ABCB7: variants seen among roughly 807,000 people sequenced by gnomAD.
The protein encoded by ABCB7 is iron-sulfur clusters transporter ABCB7, mitochondrial.
A neutral mutation model predicts 54.4 loss-of-function variants in ABCB7; 7 were observed. That is an observed-to-expected ratio of 0.13 (90% CI 0.07 to 0.24). The LOEUF (loss-of-function observed/expected upper bound fraction) is 0.24. Ranked by LOEUF, ABCB7 falls within the 10% of genes least tolerant of loss-of-function variation. The pLI, the probability that ABCB7 is intolerant of heterozygous loss-of-function variation, is 1.00. For missense variants in ABCB7, 356 were observed against 570.4 expected, an observed-to-expected ratio of 0.62 and a Z score of 3.83; for synonymous variants, 218 against 207.1, an observed-to-expected ratio of 1.05 and a Z score of -0.45.
intron 4 of ABCB7, among the ~76,000 whole-genome samples, chrX:75,092,014 A>G (rs1356239173): frequency 1.8e-5 from 2 of 111,323 alleles, no homozygotes; most frequent in Non-Finnish European, 3.8e-5. Context: ...TGATCTATAG[A>G]TTCAATGTGA....
chrX:75,075,690 G>T lies in ABCB7; in HGVS notation c.587-60C>A, dbSNP rs957420932. On this transcript the variant is annotated intron_variant, in intron 5 of 15. Transcript: ENST00000373394. The stretch of plus-strand genomic sequence containing the variant: ...ACAATATTAGAATCAAAGGAGTATA[G>T]AAATGACAAGGGCTCAGAAAATGTT... 3.8e-6 allele frequency: 4 copies of T among 1,057,015 alleles called. No homozygotes were observed. The African/African-American group carries it at 7.5e-5, about 20-fold the overall frequency. The allele number at this position is 1,057,015 out of a possible 1,213,427, so 87.1% of individuals were successfully genotyped here.
chrX:75,151,288 A>G (rs1017346044), intron 1 of ABCB7, among the ~76,000 whole-genome samples: 1 of 111,372 alleles, frequency 9.0e-6, no homozygotes, highest in Non-Finnish European at 1.9e-5. Context: ...TCCCAGTGCC[A>G]CTTTCCATTC....
Position 75,051,693 on chromosome X carries a change from A to T in ABCB7, c.*1677T>A. The T allele has an allele frequency of 8.9e-6, 1 of 112,608 alleles. No homozygotes were observed. Among genetic ancestry groups the T allele is most frequent in the South Asian group, 3.7e-4 (1 of 2,727 alleles). 9.3% of individuals were successfully genotyped at this position (112,608 alleles called of 1,213,427 possible). On this transcript the variant is annotated 3_prime_UTR_variant, in exon 16 of 16. Transcript: ENST00000373394. ...AAACTAATTAAATTACTGAAAAGTA[A>T]GGGAAGATCTTTTAATAAATTCTGA...
At chrX:75,136,753 G>A (rs1308160378) in intron 1 of ABCB7, among the ~76,000 whole-genome samples, 1 of 111,926 alleles carries the variant, frequency 8.9e-6, no homozygotes, top group Non-Finnish European at 1.9e-5. Flanking sequence ...GCCATCTGAT[G>A]TTCAACAAAG....
At position 75,051,048 on chromosome X, in the gene ABCB7, T is replaced by C. The variant is rs1218308399; in HGVS notation, c.*2322A>G. ...AATTTCTATTGAGACTTTAACCACA[T>C]TTCCAGTAATGCAACTGGTTTATTA... On this transcript the variant is annotated 3_prime_UTR_variant, in exon 16 of 16. Transcript: ENST00000373394. 2.4e-4 allele frequency among the ~76,000 whole-genome samples: 27 copies of C among 110,374 alleles called. No individual in the cohort carries two copies. Among genetic ancestry groups the C allele is most frequent in the African/African-American group, 8.9e-4 (27 of 30,358 alleles).
rs2081847173 is a variant in ABCB7 at position 75,118,814 on chromosome X, C to T, written c.169-3983G>A. On this transcript the variant is annotated intron_variant, in intron 1 of 15. Coordinates refer to ENST00000373394, the MANE Select transcript of ABCB7 (RefSeq NM_001271696.3). ...TAGGAAGTATGGAGATGTCCCCATCCCCCACTGAGAGATAACACTCCCATG... is the reference window on the plus strand; with the variant it reads ...TAGGAAGTATGGAGATGTCCCCATCTCCCACTGAGAGATAACACTCCCATG... 4.5e-5 allele frequency among the ~76,000 whole-genome samples: 5 copies of T among 111,569 alleles called. No homozygotes were observed. The South Asian group carries it at 1.9e-3, about 42-fold the overall frequency.
intron 1 of ABCB7, among the ~76,000 whole-genome samples, chrX:75,136,602 G>T (rs1339429667): frequency 9.0e-6 from 1 of 111,049 alleles, no homozygotes; most frequent in African/African-American, 3.3e-5. Context: ...AAAAGCTGGA[G>T]GCATGGAGGC....
chrX:75,094,732 T>C (rs762341188), intron 4 of ABCB7, among the ~76,000 whole-genome samples: 1 of 110,204 alleles, frequency 9.1e-6, no homozygotes, highest in South Asian at 3.9e-4. Context: ...AAAAACCCCA[T>C]AGAAGACCTC....
At chrX:75,090,623 A>G (rs1160682469) in intron 4 of ABCB7, among the ~76,000 whole-genome samples, 2 of 110,706 alleles carry the variant, frequency 1.8e-5, no homozygotes, top group African/African-American at 6.5e-5. Flanking sequence ...ATCCAAAGTA[A>G]GCAGAAGAAT....
At chrX:75,082,140 A>G (rs2081460717) in intron 4 of ABCB7, among the ~76,000 whole-genome samples, 1 of 111,801 alleles carries the variant, frequency 8.9e-6, no homozygotes, top group Admixed American at 9.5e-5. Flanking sequence ...AGAAATTCAC[A>G]CCAAGACACA....
At chrX:75,061,617 T>C (rs12837701) in intron 14 of ABCB7, among the ~76,000 whole-genome samples, 27 of 112,103 alleles carry the variant, frequency 2.4e-4, no homozygotes, top group Non-Finnish European at 4.7e-4. Context: ...ACTAGCTTTA[T>C]ACTATGTATT....
chrX:75,083,120 C>A (rs776577822), intron 4 of ABCB7, among the ~76,000 whole-genome samples: 41 of 111,510 alleles, frequency 3.7e-4, no homozygotes, highest in Non-Finnish European at 5.7e-4. Context: ...AAAAAAAATT[C>A]TTAAGTATAA....
intron 8 of ABCB7, 38 bp from the exon 9 acceptor site, chrX:75,071,721 T>G: frequency 1.1e-6 from 1 of 948,075 alleles, no homozygotes; most frequent in Middle Eastern, 3.4e-4. Flanking sequence ...GCAAGTATAA[T>G]TAGAATTTAT....
intron 1 of ABCB7, among the ~76,000 whole-genome samples, chrX:75,151,359 T>C (rs975783765): frequency 9.0e-6 from 1 of 111,504 alleles, no homozygotes; most frequent in Admixed American, 9.6e-5. Flanking sequence ...GCATTACTGT[T>C]ATTCTTCACC....
intron 10 of ABCB7, 84 bp from the exon 11 acceptor site, chrX:75,069,538 A>G (rs934017339): frequency 1.0e-6 from 1 of 996,566 alleles, no homozygotes; most frequent in African/African-American, 1.9e-5. Context: ...CACAGAAAGA[A>G]AAAGGATATA....
At chrX:75,090,654 ATG>A (rs1286583853) in intron 4 of ABCB7, among the ~76,000 whole-genome samples, 1 of 110,881 alleles carries the variant, frequency 9.0e-6, no homozygotes, top group African/African-American at 3.3e-5. Context: ...GCAGAAATCA[ATG>A]AAATTGAAAA....
intron 1 of ABCB7, among the ~76,000 whole-genome samples, chrX:75,123,054 T>C (rs1476175625): frequency 9.0e-6 from 1 of 111,621 alleles, no homozygotes; most frequent in African/African-American, 3.3e-5. Context: ...TACTTGTTTA[T>C]TTTTGCTTCC....
rs750295802 is a variant in ABCB7, at chrX:75,123,757, TC to T, written c.169-8927del. ...TTAAATTTATTCCTAAGTATTTTAT[TC>T]TTTTTGATGCTATGGTAAATGAGAT... On this transcript the variant is annotated intron_variant, in intron 1 of 15. Coordinates refer to ENST00000373394, the MANE Select transcript of ABCB7 (RefSeq NM_001271696.3). 2.6e-3 allele frequency among the ~76,000 whole-genome samples: 286 copies of T among 111,754 alleles called. 1 individual carries two copies. Among genetic ancestry groups the T allele is most frequent in the African/African-American group, 8.7e-3 (267 of 30,773 alleles).
chrX:75,102,910 G>A (rs1029847030), intron 3 of ABCB7, among the ~76,000 whole-genome samples: 6 of 111,764 alleles, frequency 5.4e-5, no homozygotes, highest in Admixed American at 1.9e-4. Context: ...GATTAGTGAC[G>A]TTGAACATTT....
Sources: gnomAD v4.1 joint callset for allele counts (sites outside exome capture counted in the v4.1 genomes callset) on GRCh38, gnomAD v4.1.1 for gene constraint, MANE v1.5 for transcripts, NCBI Gene and HGNC (gene_info 2026-07-23, HGNC 2026-07-21) for gene names.